Variants in CDYL2 observed in about 807,000 individuals in gnomAD.
CDYL2 encodes chromodomain Y-like protein 2.
In CDYL2, 23 loss-of-function variants were observed where a neutral mutation model predicts 49.4. That is an observed-to-expected ratio of 0.47 (90% CI 0.34 to 0.66). The LOEUF (loss-of-function observed/expected upper bound fraction) is 0.66. CDYL2 is among the 30% of genes least tolerant of loss of function. The pLI is 0.01. For synonymous variants in CDYL2, 360 were observed against 268.8 expected (o/e 1.34, Z -3.32); for missense variants, 678 against 656.4 (o/e 1.03, Z -0.36).
intron 1 of CDYL2, among the ~76,000 whole-genome samples, chr16:80,702,132 G>C (rs1036013389): frequency 1.3e-5 from 2 of 151,292 alleles, no homozygotes; most frequent in African/African-American, 4.9e-5. Context: ...TCAGAGTTTG[G>C]GGGTTTTCTG....
At chr16:80,693,304 AAG>A (rs1250896534) in intron 1 of CDYL2, among the ~76,000 whole-genome samples, 2 of 152,222 alleles carry the variant, frequency 1.3e-5, no homozygotes, top group African/African-American at 4.8e-5. Flanking sequence ...AGTTGTTTGG[AAG>A]ACACACACAA....
rs200977842 is a variant in CDYL2, at chr16:80,684,567, T to G, written c.587A>C (p.Asn196Thr). 4 of 1,614,052 alleles carry G rather than the reference T, an allele frequency of 2.5e-6. No individual in the cohort carries two copies. The highest frequency in any genetic ancestry group is 4.5e-5 in the East Asian group (2 of 44,880). ...CCCGTTCTCCGCCAGTGTAGCGTGATTCACGTCACATTCACCCATATCTTG... is the reference window on the plus strand; with the variant it reads ...CCCGTTCTCCGCCAGTGTAGCGTGAGTCACGTCACATTCACCCATATCTTG... The part of the protein sequence containing the change: ...GEQDMGECDV[N>T]HATLAENGLG... Residue 196 changes from asparagine (N) to threonine (T), a missense_variant, in exon 2 of 7, where the codon AAT becomes ACT. By Grantham distance (65) the Asn-to-Thr change is moderately conservative (BLOSUM62 0). Coordinates refer to ENST00000570137, the MANE Select transcript of CDYL2 (RefSeq NM_152342.4).
rs370647508 is a variant in CDYL2 at position 80,703,779 on chromosome 16, G to T, written c.25-18650C>A. Reference sequence around the variant, plus strand: ...TGGTTACCAGGACCCCTACTGCAGGGTCCTGCCCTCTTGACCTCTGATTCC... The same window carrying T: ...TGGTTACCAGGACCCCTACTGCAGGTTCCTGCCCTCTTGACCTCTGATTCC... On this transcript the variant is annotated intron_variant, in intron 1 of 6. Transcript: ENST00000570137. Among the ~76,000 whole-genome samples the T allele has an allele frequency of 1.1e-4, 17 of 152,228 alleles. No homozygotes were observed. The East Asian group carries it at 3.1e-3, about 28-fold the overall frequency.
At chr16:80,708,118 G>A (rs905613487) in intron 1 of CDYL2, among the ~76,000 whole-genome samples, 3 of 152,136 alleles carry the variant, frequency 2.0e-5, no homozygotes, top group African/African-American at 7.2e-5. Flanking sequence ...CCAGGACTGG[G>A]ATGGAAGGAT....
intron 4 of CDYL2, among the ~76,000 whole-genome samples, chr16:80,618,369 C>T (rs933641390): frequency 2.6e-5 from 4 of 152,314 alleles, no homozygotes; most frequent in African/African-American, 4.8e-5. Context: ...AGTCCAGAGA[C>T]GCACAGATAC....
chr16:80,721,406 T>G (rs1448771840), intron 1 of CDYL2, among the ~76,000 whole-genome samples: 1 of 152,152 alleles, frequency 6.6e-6, no homozygotes, highest in Non-Finnish European at 1.5e-5. Flanking sequence ...TTCACAAGCT[T>G]CTTTTCCAAG....
Position 80,633,177 on chromosome 16 carries a change from C to T in CDYL2, c.676G>A (p.Ala226Thr). 2 of 1,614,238 alleles carry T rather than the reference C, an allele frequency of 1.2e-6. No homozygotes were observed. The highest frequency in any genetic ancestry group is 1.7e-6 in the Non-Finnish European group (2 of 1,180,034). ...TTGTCAAAGACGTAGTCCTTCTCCG[C>T]TTCCAGCTTCCTCTTCACTGGACTG... The part of the protein sequence containing the change: ...LHSPVKRKLE[A>T]EKDYVFDKRL... The change falls in exon 3 of 7, where the codon GCG (alanine) becomes ACG (threonine). Residue 226 changes from alanine (A) to threonine (T), a missense_variant. Transcript: ENST00000570137.
At chr16:80,765,211 A>G (rs1285388599) in intron 1 of CDYL2, among the ~76,000 whole-genome samples, 1 of 149,008 alleles carries the variant, frequency 6.7e-6, no homozygotes, top group African/African-American at 2.4e-5. Context: ...CAAAAAAGCT[A>G]AATGAATCTT....
chr16:80,796,975 C>T (rs551519799), intron 1 of CDYL2, among the ~76,000 whole-genome samples: 1 of 152,232 alleles, frequency 6.6e-6, no homozygotes, highest in East Asian at 1.9e-4. Flanking sequence ...TGCAATATTC[C>T]ATTGCCTTCC....
chr16:80,773,143 T>C (rs1379878971), intron 1 of CDYL2, among the ~76,000 whole-genome samples: 1 of 152,288 alleles, frequency 6.6e-6, no homozygotes, highest in East Asian at 1.9e-4. Context: ...ATTAAAAGAA[T>C]ATGATGTAGC....
At chr16:80,714,131 A>C (rs1410682449) in intron 1 of CDYL2, among the ~76,000 whole-genome samples, 2 of 152,190 alleles carry the variant, frequency 1.3e-5, no homozygotes, top group East Asian at 1.9e-4. Context: ...TATATATTCA[A>C]ATGTAAACTG....
intron 1 of CDYL2, among the ~76,000 whole-genome samples, 169 bp from the exon 2 acceptor site, chr16:80,685,298 G>A (rs529280968): frequency 6.6e-6 from 1 of 152,318 alleles, no homozygotes; most frequent in African/African-American, 2.4e-5. Flanking sequence ...GAGGGTTCAA[G>A]AAGGCTGGTT....
At chr16:80,689,450 G>T (rs1453734123) in intron 1 of CDYL2, among the ~76,000 whole-genome samples, 2 of 152,182 alleles carry the variant, frequency 1.3e-5, no homozygotes, top group Admixed American at 1.3e-4. Flanking sequence ...ATTTGACAGG[G>T]GAGGAAACTG....
chr16:80,625,609 C>A (rs1056964169), intron 3 of CDYL2, among the ~76,000 whole-genome samples: 4 of 152,108 alleles, frequency 2.6e-5, no homozygotes, highest in Non-Finnish European at 5.9e-5. Flanking sequence ...AGAACTACAA[C>A]AAAAAGCTAA....
At chr16:80,742,773 G>C (rs370913776) in intron 1 of CDYL2, among the ~76,000 whole-genome samples, 14 of 149,746 alleles carry the variant, frequency 9.3e-5, no homozygotes, top group African/African-American at 3.2e-4. Context: ...TGGATTGATG[G>C]ATAGATGGGC....
intron 1 of CDYL2, among the ~76,000 whole-genome samples, chr16:80,708,544 T>G (rs992501374): frequency 6.6e-6 from 1 of 152,162 alleles, no homozygotes; most frequent in Non-Finnish European, 1.5e-5. Context: ...GAATACATCT[T>G]GGTACAGCCA....
intron 1 of CDYL2, among the ~76,000 whole-genome samples, chr16:80,731,255 C>T (rs1174782879): frequency 2.6e-5 from 4 of 150,992 alleles, no homozygotes; most frequent in Non-Finnish European, 4.4e-5. Context: ...AAAACATCAG[C>T]GCAAAAGCAG....
intron 2 of CDYL2, among the ~76,000 whole-genome samples, chr16:80,683,032 C>T (rs1278939004): frequency 2.0e-5 from 3 of 152,204 alleles, no homozygotes; most frequent in African/African-American, 7.2e-5. Flanking sequence ...TACCTAAAGA[C>T]AGCAAGCTCT....
intron 1 of CDYL2, among the ~76,000 whole-genome samples, chr16:80,741,285 A>G (rs1006065451): frequency 5.3e-5 from 8 of 151,748 alleles, no homozygotes; most frequent in Admixed American, 4.6e-4. Context: ...AAGGGAAATT[A>G]TAAAATGCCT....
Sources: gnomAD v4.1 joint callset for allele counts (sites outside exome capture counted in the v4.1 genomes callset) on GRCh38, gnomAD v4.1.1 for gene constraint, MANE v1.5 for transcripts, NCBI Gene and HGNC (gene_info 2026-07-23, HGNC 2026-07-21) for gene names.